Variants in HPD observed in about 807,000 individuals in gnomAD.
HPD encodes the protein 4-hydroxyphenylpyruvate dioxygenase.
A neutral mutation model predicts 56.9 loss-of-function variants in HPD; 35 were observed. The ratio of observed to expected loss-of-function variants is 0.62; its 90% CI spans 0.47 to 0.82. The LOEUF is 0.82. Among genes scored for constraint, HPD ranks in the 40% least tolerant of loss-of-function variants. HPD has a pLI of 0.00. For synonymous variants in HPD, 186 were observed against 200.2 expected, an observed-to-expected ratio of 0.93 and a Z score of 0.60; for missense variants, 442 against 506.8, an observed-to-expected ratio of 0.87 and a Z score of 1.23.
chr12:121,846,819 C>T (rs1395103803), intron 11 of HPD, 43 bp downstream of exon 11: 1 of 1,594,682 alleles, frequency 6.3e-7, no homozygotes, highest in Non-Finnish European at 8.6e-7. Context: ...TCGTCCCTGG[C>T]TCTGAATGAG....
At chr12:121,853,483 G>A (rs998575509) in intron 7 of HPD, among the ~76,000 whole-genome samples, 4 of 151,730 alleles carry the variant, frequency 2.6e-5, no homozygotes, top group Admixed American at 6.6e-5. Context: ...TTAGCCGGGC[G>A]TGGTGGCGGG....
upstream of HPD, among the ~76,000 whole-genome samples, chr12:121,862,342 G>T (rs1311073875): frequency 1.3e-5 from 2 of 151,024 alleles, no homozygotes; most frequent in Admixed American, 1.3e-4. Context: ...TTGCTGCCCA[G>T]GCTGGAGTGC....
chr12:121,842,157 T>C (rs1877428897), intron 12 of HPD, among the ~76,000 whole-genome samples: 1 of 151,890 alleles, frequency 6.6e-6, no homozygotes, highest in Non-Finnish European at 1.5e-5. Flanking sequence ...CTAAAATTGA[T>C]TTTTTGCCCA....
At chr12:121,845,531 G>T (rs960617617) in intron 11 of HPD, among the ~76,000 whole-genome samples, 18 of 150,800 alleles carry the variant, frequency 1.2e-4, no homozygotes, top group African/African-American at 4.4e-4. Context: ...AACCCAGGAG[G>T]CGGAGCTTGC....
the HPD span, among the ~76,000 whole-genome samples, chr12:121,883,574 G>A: frequency 6.6e-6 from 1 of 151,904 alleles, no homozygotes; most frequent in Non-Finnish European, 1.5e-5. Context: ...TTTTCAGACC[G>A]CATGGGTAAG....
intron 12 of HPD, among the ~76,000 whole-genome samples, chr12:121,841,539 A>G (rs1008916219): frequency 5.3e-5 from 8 of 152,240 alleles, no homozygotes; most frequent in African/African-American, 1.4e-4. Context: ...TCAACGAGGA[A>G]TAGATAAACA....
chr12:121,864,206 T>A (rs1878261025), upstream of HPD, among the ~76,000 whole-genome samples: 1 of 151,314 alleles, frequency 6.6e-6, no homozygotes, highest in South Asian at 2.1e-4. Context: ...ATCGTGCCAC[T>A]GCACTCCAGC....
the HPD span, among the ~76,000 whole-genome samples, chr12:121,880,840 G>C: frequency 1.3e-5 from 2 of 152,004 alleles, no homozygotes; most frequent in Non-Finnish European, 2.9e-5. Flanking sequence ...TGTCACCCAG[G>C]CTGGTGTGCA....
At chr12:121,887,218 A>T in the HPD span, among the ~76,000 whole-genome samples, 4,542 of 143,014 alleles carry the variant, frequency 0.032, 164 homozygotes, top group East Asian at 0.084. Flanking sequence ...ATTAATTATT[A>T]TTTTTTTTTT....
At chr12:121,850,385 C>T (rs955420452) in intron 7 of HPD, among the ~76,000 whole-genome samples, 2 of 151,016 alleles carry the variant, frequency 1.3e-5, no homozygotes, top group African/African-American at 4.9e-5. Flanking sequence ...AGAGATCGTG[C>T]CACTACACTC....
chr12:121,857,124 G>A (rs917740822), intron 4 of HPD: 1 of 576,186 alleles, frequency 1.7e-6, no homozygotes, highest in Non-Finnish European at 3.1e-6. Context: ...CTGTCGCCCA[G>A]GCTGGAGTGC....
At chr12:121,841,032 AAAAAT>A (rs1419749855) in intron 12 of HPD, among the ~76,000 whole-genome samples, 2 of 97,560 alleles carry the variant, frequency 2.1e-5, no homozygotes, top group African/African-American at 8.9e-5. Flanking sequence ...CATCTCTACT[AAAAAT>A]AAAAATAAAA....
At chr12:121,869,885 G>T in the HPD span, among the ~76,000 whole-genome samples, 1 of 152,084 alleles carries the variant, frequency 6.6e-6, no homozygotes, top group Non-Finnish European at 1.5e-5. Flanking sequence ...GAAGTCCAGC[G>T]TATCTACCTG....
chr12:121,857,383 C>T lies in HPD; in HGVS notation c.143G>A (p.Arg48Lys), dbSNP rs775275925. 6.2e-7 allele frequency: 1 copy of T among 1,614,154 alleles called. No homozygotes were observed. The highest frequency in any genetic ancestry group is 1.7e-5 in the Admixed American group (1 of 60,016). ...CTCCCGGGAACCGGTCTCCAGGCCC[C>T]TGTAGGCTAGAGGTTCAAAGCCCAT... is the stretch of plus-strand genomic sequence containing the variant. Reference protein sequence around the residue: ...SKMGFEPLAYRGLETGSREVV... With the variant: ...SKMGFEPLAYKGLETGSREVV... Residue 48 changes from arginine to lysine, a missense_variant, in exon 4 of 14, where the codon AGG becomes AAG. Physicochemically the swap from Arg to Lys is conservative, Grantham distance 26 (BLOSUM62 2). Coordinates refer to ENST00000289004, the MANE Select transcript of HPD (RefSeq NM_002150.3).
the HPD span, among the ~76,000 whole-genome samples, chr12:121,870,589 T>C: frequency 1.4e-5 from 2 of 145,284 alleles, no homozygotes; most frequent in South Asian, 4.3e-4. Context: ...TAGGGAGCTA[T>C]TGAAGGTTTT....
chr12:121,845,886 T>A (rs182984479), intron 11 of HPD, among the ~76,000 whole-genome samples: 109 of 152,190 alleles, frequency 7.2e-4, no homozygotes, highest in African/African-American at 2.3e-3. Flanking sequence ...TTCCTCATTT[T>A]AAAAAAAATT....
chr12:121,842,811 A>T (rs1877453015), intron 12 of HPD, among the ~76,000 whole-genome samples: 1 of 137,428 alleles, frequency 7.3e-6, no homozygotes, highest in Non-Finnish European at 1.5e-5. Context: ...GTAGTAGCGC[A>T]ATCTCGGCTC....
chr12:121,856,875 C>T, intron 4 of HPD: 1 of 573,092 alleles, frequency 1.7e-6, no homozygotes, highest in Non-Finnish European at 3.1e-6. Flanking sequence ...ACTCCAGGGA[C>T]CCCATCGGTC....
At chr12:121,872,465 A>G in the HPD span, among the ~76,000 whole-genome samples, 1 of 151,808 alleles carries the variant, frequency 6.6e-6, no homozygotes, top group Non-Finnish European at 1.5e-5. Flanking sequence ...TACTGACCTC[A>G]AGTGATCCAC....
Sources: allele counts gnomAD v4.1 joint callset (sites outside exome capture counted in the v4.1 genomes callset), GRCh38; gene constraint gnomAD v4.1.1; transcripts MANE v1.5; gene names NCBI Gene and HGNC (gene_info 2026-07-23, HGNC 2026-07-21).